The following MAGI1 variants were observed in gnomAD, a reference collection of about 807,000 sequenced individuals.
The protein encoded by MAGI1 is membrane-associated guanylate kinase, WW and PDZ domain-containing protein 1.
MAGI1 carries 58 observed loss-of-function variants against 139.9 expected under a neutral mutation model. The observed-to-expected ratio is 0.41, with a 90% CI of 0.34 to 0.52. The LOEUF (loss-of-function observed/expected upper bound fraction) is 0.52. Ranked by LOEUF, MAGI1 falls within the 20% of genes least tolerant of loss-of-function variation. The pLI is 0.12. For synonymous variants in MAGI1, 812 were observed against 737.9 expected (o/e 1.10, Z -1.63); for missense variants, 1,874 against 1,901.6 (o/e 0.99, Z 0.27).
chr3:65,433,824 C>G (rs919399712), intron 10 of MAGI1, among the ~76,000 whole-genome samples: 3 of 152,038 alleles, frequency 2.0e-5, no homozygotes, highest in Admixed American at 2.0e-4. Context: ...CTTCTTGACA[C>G]TAGTGTTTAA....
At position 65,375,957 on chromosome 3, in the gene MAGI1, T is replaced by G. The variant is rs1264932874; in HGVS notation, c.2996-12A>C. 3.1e-6 allele frequency: 5 copies of G among 1,606,682 alleles called. No individual in the cohort carries two copies. The highest frequency in any genetic ancestry group is 3.4e-6 in the Non-Finnish European group (4 of 1,174,766). Reference sequence around the variant, plus strand: ...CACACATGCATTGCCTGCTTTGATATTGAGTTTTAATTTTTTTAAAGTTAC... The same window carrying G: ...CACACATGCATTGCCTGCTTTGATAGTGAGTTTTAATTTTTTTAAAGTTAC... On this transcript the variant is annotated splice_polypyrimidine_tract_variant and intron_variant, in intron 17 of 22. Transcript: ENST00000402939.
chr3:65,440,895 C>A (rs1454052620), intron 8 of MAGI1, among the ~76,000 whole-genome samples: 3 of 148,582 alleles, frequency 2.0e-5, no homozygotes, highest in Non-Finnish European at 3.0e-5. Flanking sequence ...ATATATGGTA[C>A]ATATGTGTGT....
At chr3:65,691,801 T>C (rs1016023640) in intron 1 of MAGI1, among the ~76,000 whole-genome samples, 2 of 152,190 alleles carry the variant, frequency 1.3e-5, no homozygotes, top group Non-Finnish European at 2.9e-5. Context: ...TGCTGTGGTG[T>C]GTTTACATCT....
chr3:65,488,460 CCAAGTAG>C (rs1268943144), intron 3 of MAGI1, among the ~76,000 whole-genome samples: 6 of 152,078 alleles, frequency 3.9e-5, no homozygotes, highest in East Asian at 3.9e-4. Flanking sequence ...CCTCAGCCTC[CCAAGTAG>C]CTGGGACTAT....
At chr3:66,024,190 A>G (rs2068106035) in intron 1 of MAGI1, among the ~76,000 whole-genome samples, 1 of 151,884 alleles carries the variant, frequency 6.6e-6, no homozygotes, top group Non-Finnish European at 1.5e-5. Flanking sequence ...CAAATATATA[A>G]ACAAGGCATT....
intron 12 of MAGI1, among the ~76,000 whole-genome samples, chr3:65,406,357 G>A (rs2107157061): frequency 6.6e-6 from 1 of 151,988 alleles, no homozygotes; most frequent in Admixed American, 6.5e-5. Context: ...ATTTCCTCCA[G>A]GTTTAAAGGA....
At chr3:65,769,682 T>A (rs1312340305) in intron 1 of MAGI1, among the ~76,000 whole-genome samples, 2 of 152,142 alleles carry the variant, frequency 1.3e-5, no homozygotes, top group African/African-American at 4.8e-5. Flanking sequence ...TTGACTTTGA[T>A]GATAAGATGT....
chr3:65,388,685 T>G (rs372093399), intron 14 of MAGI1, among the ~76,000 whole-genome samples: 1 of 152,074 alleles, frequency 6.6e-6, no homozygotes, highest in East Asian at 1.9e-4. Flanking sequence ...GAAATCCATG[T>G]GAATGTTAAC....
intron 10 of MAGI1, among the ~76,000 whole-genome samples, chr3:65,434,495 G>A (rs1575731138): frequency 6.6e-6 from 1 of 152,142 alleles, no homozygotes; most frequent in African/African-American, 2.4e-5. Context: ...CTCTTGATCA[G>A]GGGAGAATTT....
intron 1 of MAGI1, among the ~76,000 whole-genome samples, chr3:65,983,645 C>T (rs2065709023): frequency 6.6e-6 from 1 of 151,994 alleles, no homozygotes; most frequent in African/African-American, 2.4e-5. Flanking sequence ...CATTTCCCCA[C>T]CCCTCCTTAT....
chr3:65,457,419 T>G (rs894033882), intron 5 of MAGI1, among the ~76,000 whole-genome samples: 8 of 152,152 alleles, frequency 5.3e-5, no homozygotes, highest in Admixed American at 5.2e-4. Context: ...TTTTTGGCTA[T>G]TTGGACAAAT....
chr3:66,036,540 A>T (rs2068931106), intron 1 of MAGI1, among the ~76,000 whole-genome samples: 1 of 152,204 alleles, frequency 6.6e-6, no homozygotes, highest in East Asian at 1.9e-4. Context: ...GGCTTCTTGG[A>T]GGAGGTATCC....
intron 12 of MAGI1, among the ~76,000 whole-genome samples, chr3:65,407,767 G>T (rs1463735000): frequency 6.6e-6 from 1 of 152,102 alleles, no homozygotes; most frequent in Admixed American, 6.6e-5. Flanking sequence ...CTTATTTTCA[G>T]TATTTTCAAA....
At position 65,578,943 on chromosome 3, in the gene MAGI1, G is replaced by GAC. The variant is rs1430235074; in HGVS notation, c.430+43028_430+43029insGT. Among the ~76,000 whole-genome samples the GAC allele has an allele frequency of 8.6e-5, 13 of 150,366 alleles. No homozygotes were observed. In the South Asian group the frequency reaches 1.5e-3, roughly 17 times the overall value. Reference sequence around the variant, plus strand: ...CTCCAAAGAGAGAGAGAGAGAGAGAGAGACAGAGAGAGAGAGAGAGAACGA... The same window carrying GAC: ...CTCCAAAGAGAGAGAGAGAGAGAGAGACAGACAGAGAGAGAGAGAGAGAACGA... On this transcript the variant is annotated intron_variant, in intron 2 of 22. Coordinates refer to ENST00000402939, the MANE Select transcript of MAGI1 (RefSeq NM_001033057.2).
At chr3:65,552,259 GGTGTGTGT>G (rs10576104) in intron 2 of MAGI1, among the ~76,000 whole-genome samples, 402 of 148,036 alleles carry the variant, frequency 2.7e-3, no homozygotes, top group African/African-American at 8.5e-3. Flanking sequence ...TGTGTATAGG[GGTGTGTGT>G]GTGTGTGTGT....
intron 1 of MAGI1, among the ~76,000 whole-genome samples, chr3:65,982,358 G>A (rs1448750379): frequency 6.6e-6 from 1 of 152,170 alleles, no homozygotes; most frequent in Non-Finnish European, 1.5e-5. Flanking sequence ...TCTATCATCT[G>A]CAAGGTGCAT....
At position 65,353,918 on chromosome 3, in the gene MAGI1, A is replaced by T. The variant is rs1253535275; in HGVS notation, c.*2460T>A. 1 of 152,242 alleles carries T rather than the reference A, an allele frequency of 6.6e-6. No individual in the cohort carries two copies. The highest frequency in any genetic ancestry group is 6.5e-5 in the Admixed American group (1 of 15,286). The allele number at this position is 152,242 out of a possible 1,614,324, so 9.4% of individuals were successfully genotyped here. A position where few individuals can be genotyped will look rare whatever the true frequency, so the allele number is the denominator to read the frequency against. On this transcript the variant is annotated 3_prime_UTR_variant, in exon 23 of 23. Coordinates refer to ENST00000402939, the MANE Select transcript of MAGI1 (RefSeq NM_001033057.2). ...TGTGGAATTCAGGTGAAACTGCCAC[A>T]CCAAAAAGTCCACGGATTGAGACAA...
intron 1 of MAGI1, among the ~76,000 whole-genome samples, chr3:65,747,876 C>T (rs2035829780): frequency 6.6e-6 from 1 of 152,114 alleles, no homozygotes; most frequent in South Asian, 2.1e-4. Flanking sequence ...AACCACTGGC[C>T]TACAGAAAGG....
chr3:65,460,816 A>G (rs903015857), intron 5 of MAGI1, among the ~76,000 whole-genome samples: 1 of 151,834 alleles, frequency 6.6e-6, no homozygotes, highest in Non-Finnish European at 1.5e-5. Context: ...TTCTGTTCCT[A>G]TATTAGTTTG....
Sources: allele counts gnomAD v4.1 joint callset (sites outside exome capture counted in the v4.1 genomes callset), GRCh38; gene constraint gnomAD v4.1.1; transcripts MANE v1.5; gene names NCBI Gene and HGNC (gene_info 2026-07-23, HGNC 2026-07-21).